The following DDX60L variants were observed in gnomAD, a reference collection of about 807,000 sequenced individuals.
DDX60L encodes the protein probable ATP-dependent RNA helicase DDX60-like.
DDX60L carries 191 observed loss-of-function variants against 211.6 expected under a neutral mutation model. That is an observed-to-expected ratio of 0.90 (90% CI 0.80 to 1.02). DDX60L has a LOEUF of 1.02. DDX60L is among the 50% of genes least tolerant of loss of function. The pLI is 0.00. For synonymous variants in DDX60L, 706 were observed against 694.1 expected (o/e 1.02, Z -0.27); for missense variants, 2,007 against 1,984.1 (o/e 1.01, Z -0.22).
chr4:168,425,358 A>ACTACAGAGT (rs1751287365), intron 14 of DDX60L, among the ~76,000 whole-genome samples: 1 of 152,236 alleles, frequency 6.6e-6, no homozygotes, highest in African/African-American at 2.4e-5. Flanking sequence ...CATGAGCGTG[A>ACTACAGAGT]CTACAGAGTC....
At position 168,361,290 on chromosome 4, in the gene DDX60L, C is replaced by T. The variant is rs1055998327; in HGVS notation, c.4929-79G>A. ...AATTAACTCAAACTTTAATAGTGGT[C>T]TGTCCATGGCAGTTAATTTATCTGC... On this transcript the variant is annotated intron_variant, in intron 36 of 37. Transcript: ENST00000682922. The T allele has an allele frequency of 3.1e-5, 27 of 877,724 alleles. 1 individual carries two copies. In the South Asian group the frequency reaches 3.6e-4, roughly 12 times the overall value. The allele number at this position is 877,724 out of a possible 1,614,324, so 54.4% of individuals were successfully genotyped here. A position where few individuals can be genotyped will look rare whatever the true frequency, so the allele number is the denominator to read the frequency against.
At chr4:168,395,881 G>T in intron 27 of DDX60L, 78 bp downstream of exon 27, 1 of 969,008 alleles carries the variant, frequency 1.0e-6, no homozygotes, top group Non-Finnish European at 1.6e-6. Context: ...AGTCATTTCA[G>T]TGTTCAAAGA....
chr4:168,479,717 C>A (rs1255771644), intron 1 of DDX60L, among the ~76,000 whole-genome samples: 1 of 151,998 alleles, frequency 6.6e-6, no homozygotes. Flanking sequence ...GCCTGTAATC[C>A]CAGCACTTTG....
chr4:168,375,478 T>A lies in DDX60L; in HGVS notation c.4532A>T (p.Glu1511Val). 1.2e-6 allele frequency: 2 copies of A among 1,613,096 alleles called. No individual in the cohort carries two copies. The highest frequency in any genetic ancestry group is 2.2e-5 in the East Asian group (1 of 44,838). ...ATCCTTCATTACTGCCAGGTTATAC[T>A]CATATAAAGCAGCTTTAAAATCCTC... ...LPEDFKAALY[E>V]YNLAVMKDFA... Residue 1511 changes from glutamate (E) to valine (V), a missense_variant, in exon 34 of 38, where the codon GAG becomes GTG. Transcript: ENST00000682922.
chr4:168,430,696 T>TG, intron 12 of DDX60L, 58 bp from the exon 13 acceptor site: 7 of 1,284,112 alleles, frequency 5.5e-6, no homozygotes, highest in African/African-American at 3.1e-5. Context: ...TATATATGTG[T>TG]GCTACCCACA....
chr4:168,418,859 A>G (rs1750009501), intron 19 of DDX60L, among the ~76,000 whole-genome samples: 1 of 152,200 alleles, frequency 6.6e-6, no homozygotes, highest in African/African-American at 2.4e-5. Context: ...AGCCTAGGCA[A>G]GAAATGGGAA....
chr4:168,404,730 T>G lies in DDX60L; in HGVS notation c.3214-624A>C, dbSNP rs1252447584. On this transcript the variant is annotated intron_variant, in intron 24 of 37. Transcript: ENST00000682922. ...TTTGATAATTTTTTTATAAACAGCA[T>G]CTACCTCTTTTTTAATCAGAAAAAA... Among the ~76,000 whole-genome samples, 3 of 152,190 alleles carry G rather than the reference T, an allele frequency of 2.0e-5. No homozygotes were observed. The East Asian group carries it at 5.8e-4, about 29-fold the overall frequency.
chr4:168,406,366 G>A (rs1747746162), intron 23 of DDX60L, among the ~76,000 whole-genome samples: 7 of 152,088 alleles, frequency 4.6e-5, no homozygotes. Context: ...AAGTAGTATG[G>A]TATCCCAAAA....
chr4:168,434,110 T>C (rs981509565), intron 10 of DDX60L, among the ~76,000 whole-genome samples: 6 of 152,008 alleles, frequency 3.9e-5, no homozygotes, highest in African/African-American at 1.4e-4. Flanking sequence ...ATGTATCTAG[T>C]GGTGTGTGTT....
intron 20 of DDX60L, 45 bp downstream of exon 20, chr4:168,416,637 T>C (rs1330480695): frequency 2.5e-6 from 3 of 1,202,566 alleles, no homozygotes; most frequent in Non-Finnish European, 3.5e-6. Flanking sequence ...AGTATATAAT[T>C]CAACCACTGA....
intron 34 of DDX60L, among the ~76,000 whole-genome samples, chr4:168,374,698 CAACTT>C (rs1353780203): frequency 1.3e-5 from 2 of 152,150 alleles, no homozygotes; most frequent in Admixed American, 6.6e-5. Context: ...TATTTTTAAT[CAACTT>C]AATTTAAATA....
chr4:168,424,751 C>A (rs1176807725), intron 14 of DDX60L, among the ~76,000 whole-genome samples: 2 of 152,006 alleles, frequency 1.3e-5, no homozygotes, highest in Non-Finnish European at 2.9e-5. Flanking sequence ...GTAGCAGAAA[C>A]TGATATTACC....
chr4:168,431,440 C>T (rs932479155), intron 12 of DDX60L, among the ~76,000 whole-genome samples: 8 of 151,636 alleles, frequency 5.3e-5, no homozygotes, highest in African/African-American at 1.9e-4. Flanking sequence ...TTCCTATATG[C>T]AATTGGCATA....
In DDX60L at chr4:168,455,663, C is replaced by T. The variant is rs143783634; in HGVS notation, c.837+376G>A. Among the ~76,000 whole-genome samples the T allele has an allele frequency of 1.6e-3, 244 of 152,180 alleles. 2 individuals carry two copies. Among genetic ancestry groups the T allele is most frequent in the African/African-American group, 5.6e-3 (234 of 41,528 alleles). ...GTAACACAAAGACCCTGAAACACAG[C>T]GTATAGTGGGGCCCCTCCTCCAATT... On this transcript the variant is annotated intron_variant, in intron 7 of 37. Transcript: ENST00000682922.
chr4:168,415,360 T>C (rs966459991), intron 22 of DDX60L, 48 bp downstream of exon 22: 3 of 1,209,342 alleles, frequency 2.5e-6, no homozygotes, highest in Admixed American at 3.9e-5. Flanking sequence ...CCAGTTGCGA[T>C]ATACACTAAA....
intron 19 of DDX60L, among the ~76,000 whole-genome samples, chr4:168,417,404 C>T (rs1031683050): frequency 3.3e-5 from 5 of 152,154 alleles, no homozygotes; most frequent in South Asian, 2.1e-4. Context: ...TTCACATATA[C>T]GACCCTGCTA....
intron 15 of DDX60L, 81 bp from the exon 16 acceptor site, chr4:168,422,751 T>C (rs1013333330): frequency 2.7e-5 from 30 of 1,099,160 alleles, no homozygotes; most frequent in Non-Finnish European, 3.6e-5. Context: ...CTGAGCACAT[T>C]CTATGCACAA....
chr4:168,442,010 C>T (rs1386349696), intron 9 of DDX60L, among the ~76,000 whole-genome samples: 1 of 152,014 alleles, frequency 6.6e-6, no homozygotes. Flanking sequence ...CCAAGATGGC[C>T]GAATAGGAAC....
Position 168,423,716 on chromosome 4 carries a change from G to C in DDX60L, c.1989C>G (p.Leu663=). 6.2e-7 allele frequency: 1 copy of C among 1,607,162 alleles called. No individual in the cohort carries two copies. Among genetic ancestry groups the C allele is most frequent in the Non-Finnish European group, 8.5e-7 (1 of 1,177,492 alleles). ...AVQMMKRIHS[L]LERYPEILEA... is the part of the protein sequence containing the mutation. Reference sequence around the variant, plus strand: ...CCAAAATTTCTGGGTATCTCTCCAGGAGTGAATGAATCCTTTTCATCATTT... The same window carrying C: ...CCAAAATTTCTGGGTATCTCTCCAGCAGTGAATGAATCCTTTTCATCATTT... The change falls in exon 15 of 38, where the codon CTC becomes CTG. Residue 663 remains leucine, a synonymous_variant. Coordinates refer to ENST00000682922, the MANE Select transcript of DDX60L (RefSeq NM_001012967.3).
Sources: allele counts gnomAD v4.1 joint callset (sites outside exome capture counted in the v4.1 genomes callset), GRCh38; gene constraint gnomAD v4.1.1; transcripts MANE v1.5; gene names NCBI Gene and HGNC (gene_info 2026-07-23, HGNC 2026-07-21).